TBC1D10A: variants seen among roughly 807,000 people sequenced by gnomAD.
The protein encoded by TBC1D10A is TBC1 domain family member 10A, also known as EBP50-PDX interactor of 64 kDa.
A neutral mutation model predicts 52.9 loss-of-function variants in TBC1D10A; 24 were observed. That is an observed-to-expected ratio of 0.45 (90% CI 0.33 to 0.64). The LOEUF (loss-of-function observed/expected upper bound fraction) is 0.64. Among genes scored for constraint, TBC1D10A ranks in the 30% least tolerant of loss-of-function variants. TBC1D10A has a pLI of 0.02. For missense variants in TBC1D10A, 602 were observed against 687.9 expected (o/e 0.88, Z 1.40); for synonymous variants, 278 against 282.9 (o/e 0.98, Z 0.17).
At chr22:30,314,260 C>G (rs1054157049) in intron 1 of TBC1D10A, among the ~76,000 whole-genome samples, 5 of 152,336 alleles carry the variant, frequency 3.3e-5, no homozygotes, top group Non-Finnish European at 7.3e-5. Flanking sequence ...CAGCCTTGCT[C>G]CTGAGGAGCT....
rs771516365 is a variant in TBC1D10A at position 30,308,292 on chromosome 22, A to ATGCATGCCTGCC, written c.210-3663_210-3662insGGCAGGCATGCA. On this transcript the variant is annotated intron_variant, in intron 1 of 8. Transcript: ENST00000215790. Reference sequence around the variant, plus strand: ...GCCTCCACACAGCCTGCATGCCTGCATGCCTGCATGCCTGCCTGCCTGCAT... The same window carrying ATGCATGCCTGCC: ...GCCTCCACACAGCCTGCATGCCTGCATGCATGCCTGCCTGCCTGCATGCCTGCCTGCCTGCAT... Among the ~76,000 whole-genome samples the ATGCATGCCTGCC allele has an allele frequency of 1.9e-4, 15 of 78,780 alleles. No individual in the cohort carries two copies. The East Asian group carries it at 4.1e-3, about 22-fold the overall frequency. The allele number at this position is 78,780 out of a possible 152,430, so 51.7% of individuals were successfully genotyped here. A position where few individuals can be genotyped will look rare whatever the true frequency, so the allele number is the denominator to read the frequency against.
At chr22:30,323,986 C>T (rs1487236050) in intron 1 of TBC1D10A, among the ~76,000 whole-genome samples, 1 of 151,894 alleles carries the variant, frequency 6.6e-6, no homozygotes, top group African/African-American at 2.4e-5. Flanking sequence ...AAAAAGATCC[C>T]TTACAGTGCA....
At position 30,292,142 on chromosome 22, in the gene TBC1D10A, C is replaced by T. The variant is rs566286647; in HGVS notation, c.*233G>A. The T allele has an allele frequency of 2.4e-4, 106 of 444,760 alleles. No homozygotes were observed. The highest frequency in any genetic ancestry group is 3.9e-4 in the Non-Finnish European group (99 of 252,784). 27.6% of individuals were successfully genotyped at this position (444,760 alleles called of 1,614,324 possible). On this transcript the variant is annotated 3_prime_UTR_variant, in exon 9 of 9. Coordinates refer to ENST00000215790, the MANE Select transcript of TBC1D10A (RefSeq NM_031937.3). Reference sequence around the variant, plus strand: ...GGAGGCCCCACCCCCCAGGCCCTAGCTTCTGCCTGCCCTGGCTGGGCCAGC... The same window carrying T: ...GGAGGCCCCACCCCCCAGGCCCTAGTTTCTGCCTGCCCTGGCTGGGCCAGC...
intron 1 of TBC1D10A, among the ~76,000 whole-genome samples, chr22:30,310,677 C>G (rs534325202): frequency 6.6e-6 from 1 of 152,208 alleles, no homozygotes; most frequent in Non-Finnish European, 1.5e-5. Context: ...AAGCACTACA[C>G]AGGCACACAA....
At chr22:30,314,527 G>A (rs944027901) in intron 1 of TBC1D10A, among the ~76,000 whole-genome samples, 1 of 152,106 alleles carries the variant, frequency 6.6e-6, no homozygotes, top group Non-Finnish European at 1.5e-5. Flanking sequence ...AGTCTACATG[G>A]TGCCAGGCAC....
chr22:30,299,401 A>G (rs1238470401), intron 3 of TBC1D10A, 43 bp downstream of exon 3: 1 of 1,591,612 alleles, frequency 6.3e-7, no homozygotes, highest in Non-Finnish European at 8.6e-7. Flanking sequence ...GAGGACGCCA[A>G]GAGATGCGGA....
intron 1 of TBC1D10A, among the ~76,000 whole-genome samples, chr22:30,323,778 C>A (rs1284321152): frequency 6.6e-6 from 1 of 152,090 alleles, no homozygotes; most frequent in African/African-American, 2.4e-5. Context: ...CCAGCCTGGC[C>A]AACATGGTGA....
rs1408112281 is a variant in TBC1D10A at position 30,326,923 on chromosome 22, C to A, written c.-42G>T. On this transcript the variant is annotated 5_prime_UTR_variant, in exon 1 of 9. Coordinates refer to ENST00000215790, the MANE Select transcript of TBC1D10A (RefSeq NM_031937.3). ...GCCTGAGCTCCAGCGGCCACCTCAGCCGCCCTGCTGCCGCCGACGCCCCGC... is the reference window on the plus strand; with the variant it reads ...GCCTGAGCTCCAGCGGCCACCTCAGACGCCCTGCTGCCGCCGACGCCCCGC... 7.1e-7 allele frequency: 1 copy of A among 1,404,702 alleles called. No individual in the cohort carries two copies. The highest frequency in any genetic ancestry group is 3.1e-5 in the Admixed American group (1 of 32,508). The allele number at this position is 1,404,702 out of a possible 1,614,324, so 87.0% of individuals were successfully genotyped here. A position where few individuals can be genotyped will look rare whatever the true frequency, so the allele number is the denominator to read the frequency against.
rs1437387886 is a variant in TBC1D10A, at chr22:30,299,522, C to A, written c.339G>T (p.Pro113=). ...KIRLRCQKGI[P]PSLRGRAWQY... is the part of the protein sequence containing the mutation. ...GCCAAGCACGGCCCCGCAGAGAAGG[C>A]GGGATGCCCTTTTGGCACCGCAGAC... The change falls in exon 3 of 9, where the codon CCG becomes CCT. Residue 113 remains proline (P), a synonymous_variant. Coordinates refer to ENST00000215790, the MANE Select transcript of TBC1D10A (RefSeq NM_031937.3). 2 of 1,614,078 alleles carry A rather than the reference C, an allele frequency of 1.2e-6. No homozygotes were observed. Among genetic ancestry groups the A allele is most frequent in the Non-Finnish European group, 1.7e-6 (2 of 1,179,980 alleles).
intron 1 of TBC1D10A, among the ~76,000 whole-genome samples, chr22:30,317,326 T>C (rs998947531): frequency 1.3e-5 from 2 of 152,152 alleles, no homozygotes; most frequent in Non-Finnish European, 2.9e-5. Context: ...GAGAATCGCT[T>C]GAACCGGAAG....
chr22:30,294,249 C>A, intron 6 of TBC1D10A, 139 bp from the exon 7 acceptor site: 1 of 948,424 alleles, frequency 1.1e-6, no homozygotes, highest in Non-Finnish European at 1.6e-6. Context: ...CTGCCAGGTG[C>A]TAGGATACAA....
At position 30,294,769 on chromosome 22, in the gene TBC1D10A, G is replaced by T. The variant is rs754678049; in HGVS notation, c.705+27C>A. On this transcript the variant is annotated intron_variant, in intron 6 of 8. Transcript: ENST00000215790. ...GGCCACAGAGGGTGTCCAGCCCAGG[G>T]CAAGTCCCAGGCCAGGCGACACTCA... 3.1e-6 allele frequency: 5 copies of T among 1,613,802 alleles called. No individual in the cohort carries two copies. The South Asian group carries it at 5.5e-5, about 18-fold the overall frequency.
chr22:30,326,617 T>G, intron 1 of TBC1D10A, 56 bp downstream of exon 1: 2 of 1,518,966 alleles, frequency 1.3e-6, no homozygotes. Flanking sequence ...CCTCCGTCCG[T>G]GTCGAGGCCC....
intron 2 of TBC1D10A, 59 bp from the exon 3 acceptor site, chr22:30,299,610 G>A: frequency 6.5e-7 from 1 of 1,527,176 alleles, no homozygotes; most frequent in Non-Finnish European, 9.0e-7. Context: ...CCCTAGCCCA[G>A]CCCCTCTGCC....
intron 1 of TBC1D10A, among the ~76,000 whole-genome samples, chr22:30,324,304 T>C (rs1017362097): frequency 2.6e-5 from 4 of 152,174 alleles, no homozygotes; most frequent in African/African-American, 9.7e-5. Flanking sequence ...TCTATGGCCT[T>C]GGGCAGGGAC....
chr22:30,293,235 G>T (rs1380105250), intron 8 of TBC1D10A: 2 of 617,096 alleles, frequency 3.2e-6, no homozygotes, highest in South Asian at 3.0e-5. Flanking sequence ...GTGACTTTAA[G>T]GGGAGTTGCT....
At chr22:30,319,011 G>A (rs994105830) in intron 1 of TBC1D10A, among the ~76,000 whole-genome samples, 6 of 151,712 alleles carry the variant, frequency 4.0e-5, no homozygotes, top group Admixed American at 1.3e-4. Flanking sequence ...CCCTTGCTTC[G>A]TATCATTCTA....
intron 1 of TBC1D10A, among the ~76,000 whole-genome samples, chr22:30,314,494 C>T (rs1398509673): frequency 6.6e-6 from 1 of 152,118 alleles, no homozygotes; most frequent in East Asian, 1.9e-4. Flanking sequence ...CACTCAGAAG[C>T]AGAACAGGAA....
chr22:30,324,970 G>C (rs1930736065), intron 1 of TBC1D10A, among the ~76,000 whole-genome samples: 1 of 152,166 alleles, frequency 6.6e-6, no homozygotes, highest in Non-Finnish European at 1.5e-5. Flanking sequence ...ACAAATCTGA[G>C]CTCTTCCTTC....
Sources: gnomAD v4.1 joint callset for allele counts (sites outside exome capture counted in the v4.1 genomes callset) on GRCh38, gnomAD v4.1.1 for gene constraint, MANE v1.5 for transcripts, NCBI Gene and HGNC (gene_info 2026-07-23, HGNC 2026-07-21) for gene names.